The following TERF1 variants were observed in gnomAD, a reference collection of about 807,000 sequenced individuals.
TERF1 encodes the protein telomeric repeat-binding factor 1.
A neutral mutation model predicts 55.1 loss-of-function variants in TERF1; 20 were observed. The observed-to-expected ratio is 0.36, with a 90% CI of 0.26 to 0.53. The LOEUF is 0.53. Ranked by LOEUF, TERF1 falls within the 20% of genes least tolerant of loss-of-function variation. TERF1 has a pLI of 0.91. For missense variants in TERF1, 439 were observed against 535.7 expected, an observed-to-expected ratio of 0.82 and a Z score of 1.78; for synonymous variants, 168 against 181.2, an observed-to-expected ratio of 0.93 and a Z score of 0.59.
At chr8:73,034,997 A>G (rs1026926273) in intron 8 of TERF1, among the ~76,000 whole-genome samples, 1 of 152,208 alleles carries the variant, frequency 6.6e-6, no homozygotes, top group Non-Finnish European at 1.5e-5. Flanking sequence ...GAAAAATGTC[A>G]TCAAGTTACA....
At chr8:73,014,039 A>G (rs777510037) in intron 2 of TERF1, 49 bp downstream of exon 2, 63 of 1,438,538 alleles carry the variant, frequency 4.4e-5, no homozygotes, top group African/African-American at 5.6e-5. Context: ...ATCTGTTTCT[A>G]ATGTAAGACA....
chr8:73,028,209 C>G (rs577181524), intron 6 of TERF1, among the ~76,000 whole-genome samples: 2 of 152,238 alleles, frequency 1.3e-5, no homozygotes, highest in East Asian at 1.9e-4. Context: ...ATGGACTCTC[C>G]TTATATAGTG....
At chr8:73,042,794 TA>T (rs2129920744) in intron 9 of TERF1, 1 of 152,332 alleles carries the variant, frequency 6.6e-6, no homozygotes, top group South Asian at 2.1e-4. Context: ...TGGTGTGTTT[TA>T]ATTTGTTATG....
intron 8 of TERF1, among the ~76,000 whole-genome samples, chr8:73,037,905 TATGATATAATATATA>T (rs1809666562): frequency 8.1e-6 from 1 of 123,610 alleles, no homozygotes; most frequent in African/African-American, 3.1e-5. Flanking sequence ...TATATATAAA[TATGATATAATATATA>T]ATATATATAA....
intron 8 of TERF1, among the ~76,000 whole-genome samples, chr8:73,034,081 A>G (rs1563469154): frequency 6.6e-6 from 1 of 151,998 alleles, no homozygotes; most frequent in Non-Finnish European, 1.5e-5. Context: ...CCTTCCAAGT[A>G]GCTGGGACCA....
rs1810056687 is a variant in TERF1 at position 73,046,826 on chromosome 8, T to G, written c.*689T>G. ...AATTTTCTAGATGATTGAATAACAG[T>G]AGTCCTTTGATAGAAGATAATGACT... is the stretch of plus-strand genomic sequence containing the variant. On this transcript the variant is annotated 3_prime_UTR_variant, in exon 10 of 10. Transcript: ENST00000276603. 1 of 152,190 alleles carries G rather than the reference T, an allele frequency of 6.6e-6. No homozygotes were observed. The highest frequency in any genetic ancestry group is 1.5e-5 in the Non-Finnish European group (1 of 68,026). 9.4% of individuals were successfully genotyped at this position (152,190 alleles called of 1,614,324 possible).
At chr8:73,017,456 A>G (rs1043855397) in intron 2 of TERF1, among the ~76,000 whole-genome samples, 3 of 152,134 alleles carry the variant, frequency 2.0e-5, no homozygotes, top group African/African-American at 7.2e-5. Context: ...ACTAGCATGA[A>G]TATCTTTTGT....
intron 6 of TERF1, among the ~76,000 whole-genome samples, chr8:73,027,528 A>G (rs1325987895): frequency 2.0e-5 from 3 of 152,228 alleles, no homozygotes; most frequent in East Asian, 3.8e-4. Flanking sequence ...AGTCCTATAT[A>G]TTGAGAGATA....
chr8:73,013,505 T>C (rs908634751), intron 1 of TERF1, among the ~76,000 whole-genome samples: 3 of 152,226 alleles, frequency 2.0e-5, no homozygotes, highest in African/African-American at 7.2e-5. Context: ...TTTTAAACTT[T>C]GTAAGCTAAA....
intron 8 of TERF1, among the ~76,000 whole-genome samples, chr8:73,033,354 C>T (rs1809373473): frequency 6.6e-6 from 1 of 152,106 alleles, no homozygotes; most frequent in South Asian, 2.1e-4. Context: ...CCTATTGCTG[C>T]AAGACGGCTG....
chr8:73,016,890 C>G (rs929804247), intron 2 of TERF1, among the ~76,000 whole-genome samples: 2 of 152,154 alleles, frequency 1.3e-5, no homozygotes, highest in African/African-American at 4.8e-5. Context: ...TGCACTGGAT[C>G]CTCAGCCTTA....
intron 1 of TERF1, chr8:73,009,550 A>C (rs1397369532): frequency 4.1e-6 from 1 of 245,038 alleles, no homozygotes; most frequent in Non-Finnish European, 7.9e-6. Context: ...AATATTCAGC[A>C]GTCCCTGTGG....
At chr8:73,037,107 T>C (rs1374249818) in intron 8 of TERF1, among the ~76,000 whole-genome samples, 1 of 134,650 alleles carries the variant, frequency 7.4e-6, no homozygotes, top group East Asian at 2.0e-4. Context: ...ATATATTATA[T>C]AAAACCCCAT....
intron 8 of TERF1, among the ~76,000 whole-genome samples, chr8:73,037,826 T>C: frequency 9.6e-6 from 1 of 104,694 alleles, no homozygotes; most frequent in East Asian, 2.3e-4. Context: ...ATATAATATA[T>C]AGTATAATAA....
In TERF1 at chr8:73,009,195, C is replaced by T. The variant is rs764273904; in HGVS notation, c.309C>T (p.Asn103=). 28 of 1,610,158 alleles carry T rather than the reference C, an allele frequency of 1.7e-5. No homozygotes were observed. The highest frequency in any genetic ancestry group is 2.4e-5 in the Non-Finnish European group (28 of 1,179,818). ...CCGAGGACTTCCGCAGGACCCGCAA[C>T]AGCGCAGAGGGTGAGTGCAGACCGC... ...GRSEDFRRTR[N]SAEAIIHGLS... Residue 103 remains asparagine (N), a synonymous_variant, in exon 1 of 10, where the codon AAC becomes AAT. Transcript: ENST00000276603.
intron 8 of TERF1, chr8:73,038,744 A>G: frequency 3.1e-6 from 3 of 971,460 alleles, no homozygotes; most frequent in Non-Finnish European, 3.7e-6. Context: ...TATGAATAAG[A>G]AAGAAGGAGT....
chr8:73,009,372 C>T, intron 1 of TERF1, 167 bp downstream of exon 1: 2 of 622,114 alleles, frequency 3.2e-6, no homozygotes, highest in South Asian at 4.1e-5. Flanking sequence ...CCGGTTCGCC[C>T]GTTGTCAGCA....
At chr8:73,031,980 C>G in intron 7 of TERF1, 62 bp from the exon 8 acceptor site, 3 of 1,139,478 alleles carry the variant, frequency 2.6e-6, no homozygotes, top group Admixed American at 3.9e-5. Context: ...AATCATTTAC[C>G]TGTTTTCCAT....
chr8:73,017,658 T>C (rs1441684183), intron 2 of TERF1, among the ~76,000 whole-genome samples: 3 of 152,130 alleles, frequency 2.0e-5, no homozygotes, highest in Non-Finnish European at 4.4e-5. Context: ...TAGACTCTGC[T>C]TGAGAATTTA....
Sources: allele counts gnomAD v4.1 joint callset (sites outside exome capture counted in the v4.1 genomes callset), GRCh38; gene constraint gnomAD v4.1.1; transcripts MANE v1.5; gene names NCBI Gene and HGNC (gene_info 2026-07-23, HGNC 2026-07-21).